CHD1L: variants seen among roughly 807,000 people sequenced by gnomAD.
CHD1L encodes the protein chromodomain helicase DNA binding protein 1 like.
A neutral mutation model predicts 115.9 loss-of-function variants in CHD1L; 118 were observed. The observed-to-expected ratio is 1.02, with a 90% CI of 0.88 to 1.19. The LOEUF (loss-of-function observed/expected upper bound fraction) is 1.19. CHD1L is among the 50% of genes most tolerant of loss of function. The pLI is 0.00. For synonymous variants in CHD1L, 411 were observed against 387.1 expected (o/e 1.06, Z -0.72); for missense variants, 1,179 against 1,065.3 (o/e 1.11, Z -1.49).
At chr1:147,276,786 T>G (rs1553958220) in intron 14 of CHD1L, among the ~76,000 whole-genome samples, 1 of 152,124 alleles carries the variant, frequency 6.6e-6, no homozygotes, top group Admixed American at 6.5e-5. Context: ...AGAGCTCTCT[T>G]TTGGAAGAGG....
At chr1:147,253,780 G>T (rs1379026270) in intron 2 of CHD1L, among the ~76,000 whole-genome samples, 1 of 152,258 alleles carries the variant, frequency 6.6e-6, no homozygotes, top group Non-Finnish European at 1.5e-5. Context: ...TTACAGGCGT[G>T]AGCCACTGCA....
rs782105428 is a variant in CHD1L, at chr1:147,286,467, G to T, written c.2188G>T (p.Gly730Trp). ...TGGTGATGTCACCCACCCTCAGGCT[G>T]GGGCCGAGGATGCTCTCATTGTGCA... ...VSGDVTHPQA[G>W]AEDALIVHCV... is the part of the protein sequence containing the mutation. The change falls in exon 18 of 23, where the codon GGG becomes TGG. Residue 730 changes from glycine to tryptophan, a missense_variant. Physicochemically the swap from Gly to Trp is radical, Grantham distance 184 (BLOSUM62 -2). Coordinates refer to ENST00000369258, the MANE Select transcript of CHD1L (RefSeq NM_004284.6). The T allele has an allele frequency of 3.1e-6, 5 of 1,614,006 alleles. No individual in the cohort carries two copies. The African/African-American group carries it at 6.7e-5, about 22-fold the overall frequency.
chr1:147,257,318 G>T (rs1214512696), intron 5 of CHD1L, among the ~76,000 whole-genome samples: 1 of 151,876 alleles, frequency 6.6e-6, no homozygotes, highest in Non-Finnish European at 1.5e-5. Flanking sequence ...CCAGGTTCCT[G>T]TGAGCTGGAT....
chr1:147,284,620 T>C (rs1682331900), intron 16 of CHD1L, 121 bp downstream of exon 16: 1 of 879,836 alleles, frequency 1.1e-6, no homozygotes. Context: ...TAAGTATGTG[T>C]TTGCTGAAAT....
chr1:147,233,140 G>A, the CHD1L span, among the ~76,000 whole-genome samples: 4 of 151,768 alleles, frequency 2.6e-5, no homozygotes, highest in African/African-American at 9.7e-5. Flanking sequence ...GAGCGCCTCT[G>A]CCCGGCTGCG....
upstream of CHD1L, among the ~76,000 whole-genome samples, chr1:147,240,151 A>C (rs1034704032): frequency 6.6e-6 from 1 of 152,246 alleles, no homozygotes; most frequent in Non-Finnish European, 1.5e-5. Context: ...TGTAGAAAGA[A>C]GTAGAAATAA....
chr1:147,217,477 A>G, the CHD1L span, among the ~76,000 whole-genome samples: 1 of 152,172 alleles, frequency 6.6e-6, no homozygotes, highest in Non-Finnish European at 1.5e-5. Context: ...AGATATTGAG[A>G]TATTGAGTAT....
At chr1:147,191,875 C>G in the CHD1L span, among the ~76,000 whole-genome samples, 1 of 151,974 alleles carries the variant, frequency 6.6e-6, no homozygotes, top group South Asian at 2.1e-4. Flanking sequence ...TCTATATCTC[C>G]CTTTTGGTAC....
intron 13 of CHD1L, among the ~76,000 whole-genome samples, chr1:147,275,709 C>CA (rs1678131814): frequency 6.8e-6 from 1 of 147,398 alleles, no homozygotes; most frequent in African/African-American, 2.5e-5. Flanking sequence ...CTTTAGAAGT[C>CA]ATTTAACTCA....
At chr1:147,187,758 A>G in the CHD1L span, among the ~76,000 whole-genome samples, 1 of 152,198 alleles carries the variant, frequency 6.6e-6, no homozygotes, top group South Asian at 2.1e-4. Flanking sequence ...CACAAGAGGA[A>G]GTAGCCCTCC....
At chr1:147,270,821 C>A in intron 10 of CHD1L, 111 bp from the exon 11 acceptor site, 1 of 848,836 alleles carries the variant, frequency 1.2e-6, no homozygotes, top group Non-Finnish European at 1.9e-6. Flanking sequence ...ACTTATATTT[C>A]TACTTTGGTA....
the CHD1L span, among the ~76,000 whole-genome samples, chr1:147,231,248 C>A: frequency 6.6e-6 from 1 of 152,110 alleles, no homozygotes; most frequent in Non-Finnish European, 1.5e-5. Context: ...TTATCTCTAC[C>A]TTCATTTCGT....
At chr1:147,184,743 G>C in the CHD1L span, 1 of 1,236,388 alleles carries the variant, frequency 8.1e-7, no homozygotes, top group East Asian at 2.9e-5. The surrounding 1 kb of genome is among the most constrained non-coding windows in gnomAD (Gnocchi z 4.4). Context: ...TGTTAATCTT[G>C]ATAACCTAGC....
chr1:147,275,317 GTGC>G (rs1423592969), intron 12 of CHD1L, 34 bp from the exon 13 acceptor site: 2 of 1,477,310 alleles, frequency 1.4e-6, no homozygotes, highest in African/African-American at 2.8e-5. Context: ...CCTCGTCTTT[GTGC>G]TGCTGATTAC....
the CHD1L span, among the ~76,000 whole-genome samples, chr1:147,229,489 C>T: frequency 1.6e-4 from 25 of 152,220 alleles, no homozygotes; most frequent in South Asian, 4.2e-4. Context: ...CTTGGCGATG[C>T]GGGCTCTTTT....
intron 13 of CHD1L, 84 bp from the exon 14 acceptor site, chr1:147,276,020 G>A (rs1678301793): frequency 7.3e-7 from 1 of 1,366,768 alleles, no homozygotes; most frequent in African/African-American, 1.4e-5. Flanking sequence ...GGTTTTGTTT[G>A]CTTTTAGATG....
chr1:147,290,550 T>G (rs138735554), intron 19 of CHD1L, among the ~76,000 whole-genome samples: 2 of 152,348 alleles, frequency 1.3e-5, no homozygotes, highest in East Asian at 3.9e-4. Flanking sequence ...AGGGCCCTTG[T>G]GCAAGGTCAT....
chr1:147,178,201 C>G, the CHD1L span: 1 of 1,612,842 alleles, frequency 6.2e-7, no homozygotes, highest in South Asian at 1.1e-5. Flanking sequence ...CGTGCTAGGA[C>G]TCAGGGACGA....
chr1:147,240,998 T>TA (rs1447167339), upstream of CHD1L, among the ~76,000 whole-genome samples: 1 of 150,518 alleles, frequency 6.6e-6, no homozygotes, highest in Admixed American at 6.6e-5. Context: ...GTGTCTCTTT[T>TA]TTTTCTTAAG....
Sources: gnomAD v4.1 joint callset for allele counts (sites outside exome capture counted in the v4.1 genomes callset) on GRCh38, gnomAD v4.1.1 for gene constraint, Gnocchi (gnomAD v3.1) non-coding constraint, MANE v1.5 for transcripts, NCBI Gene and HGNC (gene_info 2026-07-23, HGNC 2026-07-21) for gene names.